ADGRB1: variants seen among roughly 807,000 people sequenced by gnomAD.
The protein encoded by ADGRB1 is brain-specific angiogenesis inhibitor 1.
A neutral mutation model predicts 175.7 loss-of-function variants in ADGRB1; 36 were observed. That is an observed-to-expected ratio of 0.20 (90% CI 0.16 to 0.27). The LOEUF is 0.27. ADGRB1 is among the 10% of genes least tolerant of loss of function. The pLI is 1.00. For synonymous variants in ADGRB1, 1,054 were observed against 979.4 expected, an observed-to-expected ratio of 1.08 and a Z score of -1.42; for missense variants, 1,731 against 2,255.3, an observed-to-expected ratio of 0.77 and a Z score of 4.71.
chr8:142,499,199 G>T (rs535430549), intron 17 of ADGRB1, among the ~76,000 whole-genome samples: 4 of 152,224 alleles, frequency 2.6e-5, no homozygotes, highest in Non-Finnish European at 5.9e-5. Context: ...CCTCACTGGC[G>T]GGGAGGCTGT....
At chr8:142,539,591 G>T in intron 27 of ADGRB1, 178 bp downstream of exon 27, 1 of 733,998 alleles carries the variant, frequency 1.4e-6, no homozygotes, top group Non-Finnish European at 2.2e-6. Flanking sequence ...TGGGGGCCCA[G>T]CCTTCCACCC....
At chr8:142,514,351 C>T (rs9694172) in intron 18 of ADGRB1, among the ~76,000 whole-genome samples, 89,466 of 151,852 alleles carry the variant, frequency 0.59, 27,352 homozygotes, top group African/African-American at 0.76. Context: ...AGGGTGTCGG[C>T]GCAGATGCGG....
At chr8:142,505,220 G>A (rs987293747) in intron 17 of ADGRB1, among the ~76,000 whole-genome samples, 13 of 152,338 alleles carry the variant, frequency 8.5e-5, no homozygotes, top group South Asian at 2.1e-4. Flanking sequence ...GCTGAGCTCC[G>A]AGGGTGAGAA....
chr8:142,457,601 G>A (rs545306852), intron 1 of ADGRB1, among the ~76,000 whole-genome samples: 1 of 152,132 alleles, frequency 6.6e-6, no homozygotes, highest in African/African-American at 2.4e-5. Context: ...TTCCGGGCCT[G>A]CCTCTGCTGT....
chr8:142,538,125 C>T (rs7386261), intron 26 of ADGRB1, among the ~76,000 whole-genome samples: 27,977 of 152,198 alleles, frequency 0.18, 2,788 homozygotes, highest in East Asian at 0.32. Flanking sequence ...CCACCCTGCG[C>T]ACTCCCGTGG....
intron 2 of ADGRB1, among the ~76,000 whole-genome samples, chr8:142,469,304 T>C (rs1374282653): frequency 9.9e-5 from 15 of 150,776 alleles, no homozygotes; most frequent in Admixed American, 5.3e-4. Context: ...CACGCGTGCA[T>C]GTGTGAATGT....
At chr8:142,457,741 A>G (rs1839758990) in intron 1 of ADGRB1, among the ~76,000 whole-genome samples, 1 of 152,110 alleles carries the variant, frequency 6.6e-6, no homozygotes, top group Non-Finnish European at 1.5e-5. Context: ...GGGGGAGGCT[A>G]TCTCGGCACC....
intron 2 of ADGRB1, among the ~76,000 whole-genome samples, chr8:142,467,974 G>A (rs1245781356): frequency 6.6e-6 from 1 of 152,198 alleles, no homozygotes; most frequent in Non-Finnish European, 1.5e-5. Context: ...AGGGATATTC[G>A]AGCAGCTTGA....
chr8:142,472,992 G>A (rs1840747546), intron 2 of ADGRB1, among the ~76,000 whole-genome samples: 1 of 151,960 alleles, frequency 6.6e-6, no homozygotes, highest in Non-Finnish European at 1.5e-5. Context: ...CCCCTCCGAA[G>A]CCTCTCCTGA....
Position 142,510,916 on chromosome 8 carries a change from TCC to T in ADGRB1, c.2676-14_2676-13del. The T allele has an allele frequency of 2.1e-6, 2 of 969,708 alleles. No individual in the cohort carries two copies. Among genetic ancestry groups the T allele is most frequent in the Non-Finnish European group, 2.5e-6 (2 of 789,272 alleles). 60.1% of individuals were successfully genotyped at this position (969,708 alleles called of 1,614,324 possible). A position where few individuals can be genotyped will look rare whatever the true frequency, so the allele number is the denominator to read the frequency against. ...ACGCTCCGCCTGTCTCCCTCCCGTG[TCC>T]CGCCCGCCCCCAGACCCTCCTCCTC... On this transcript the variant is annotated splice_polypyrimidine_tract_variant and intron_variant, in intron 17 of 30. Coordinates refer to ENST00000517894, the MANE Select transcript of ADGRB1 (RefSeq NM_001702.3). This position sits in a 1 kb window ranked among gnomAD's most constrained non-coding sequence, Gnocchi z 6.3.
Position 142,510,916 on chromosome 8 carries a change from T to TC in ADGRB1, c.2676-13dup. 1.0e-6 allele frequency: 1 copy of TC among 969,734 alleles called. No individual in the cohort carries two copies. The highest frequency in any genetic ancestry group is 1.3e-6 in the Non-Finnish European group (1 of 789,296). The allele number at this position is 969,734 out of a possible 1,614,324, so 60.1% of individuals were successfully genotyped here. Reference sequence around the variant, plus strand: ...ACGCTCCGCCTGTCTCCCTCCCGTGTCCCGCCCGCCCCCAGACCCTCCTCC... The same window carrying TC: ...ACGCTCCGCCTGTCTCCCTCCCGTGTCCCCGCCCGCCCCCAGACCCTCCTCC... On this transcript the variant is annotated splice_polypyrimidine_tract_variant and intron_variant, in intron 17 of 30. Coordinates refer to ENST00000517894, the MANE Select transcript of ADGRB1 (RefSeq NM_001702.3). This position sits in a 1 kb window ranked among gnomAD's most constrained non-coding sequence, Gnocchi z 6.3.
intron 6 of ADGRB1, 123 bp downstream of exon 6, chr8:142,477,672 G>C: frequency 7.7e-7 from 1 of 1,305,178 alleles, no homozygotes; most frequent in African/African-American, 1.5e-5. Context: ...GGTGCTCAGA[G>C]GTTGGAACCT....
intron 3 of ADGRB1, among the ~76,000 whole-genome samples, chr8:142,476,377 G>A (rs1047795170): frequency 6.6e-6 from 1 of 152,154 alleles, no homozygotes; most frequent in Non-Finnish European, 1.5e-5. Flanking sequence ...GAGGGAGGTG[G>A]CGCGGGGTAT....
chr8:142,521,265 A>T (rs1350481079), intron 20 of ADGRB1, among the ~76,000 whole-genome samples: 1 of 152,028 alleles, frequency 6.6e-6, no homozygotes, highest in Non-Finnish European at 1.5e-5. Context: ...GGCACTCAAG[A>T]CGAGTGGCAC....
chr8:142,515,669 G>A (rs1327886324), intron 18 of ADGRB1, among the ~76,000 whole-genome samples: 1 of 151,982 alleles, frequency 6.6e-6, no homozygotes, highest in Admixed American at 6.5e-5. Context: ...TGGTTTCCTA[G>A]CCCTGGACCT....
intron 1 of ADGRB1, among the ~76,000 whole-genome samples, chr8:142,450,400 T>C (rs896129388): frequency 1.3e-4 from 19 of 151,872 alleles, no homozygotes; most frequent in African/African-American, 3.9e-4. Flanking sequence ...CGCCGCCGCC[T>C]CCTCCCCATC....
chr8:142,457,938 G>C (rs935901790), intron 1 of ADGRB1, among the ~76,000 whole-genome samples: 1 of 152,190 alleles, frequency 6.6e-6, no homozygotes, highest in Non-Finnish European at 1.5e-5. Flanking sequence ...CACCCTGAGC[G>C]GGGAAGGCCA....
intron 1 of ADGRB1, among the ~76,000 whole-genome samples, chr8:142,451,975 G>T (rs973124952): frequency 6.6e-6 from 1 of 152,188 alleles, no homozygotes; most frequent in Non-Finnish European, 1.5e-5. Context: ...AGGCGAAGGA[G>T]GGGGCGGGGG....
chr8:142,469,474 T>C (rs1408170600), intron 2 of ADGRB1, among the ~76,000 whole-genome samples: 1 of 146,200 alleles, frequency 6.8e-6, no homozygotes, highest in Non-Finnish European at 1.5e-5. Context: ...TGCACGTGCA[T>C]GTGTGAGTGT....
Sources: allele counts gnomAD v4.1 joint callset (sites outside exome capture counted in the v4.1 genomes callset), GRCh38; gene constraint gnomAD v4.1.1; non-coding constraint Gnocchi (gnomAD v3.1); transcripts MANE v1.5; gene names NCBI Gene and HGNC (gene_info 2026-07-23, HGNC 2026-07-21).